Variants in XIRP2 observed in about 807,000 individuals in gnomAD.
XIRP2 encodes the protein xin actin-binding repeat-containing protein 2.
XIRP2 carries 236 observed loss-of-function variants against 277.0 expected under a neutral mutation model. That is an observed-to-expected ratio of 0.85 (90% CI 0.77 to 0.95). XIRP2 has a LOEUF of 0.95. Among genes scored for constraint, XIRP2 ranks in the 40% least tolerant of loss-of-function variants. The pLI, the probability that XIRP2 is intolerant of heterozygous loss-of-function variation, is 0.00. For synonymous variants in XIRP2, 1,490 were observed against 1,416.5 expected (o/e 1.05, Z -1.17); for missense variants, 4,640 against 4,157.5 (o/e 1.12, Z -3.19).
At chr2:167,021,691 G>A (rs145491497) in intron 2 of XIRP2, among the ~76,000 whole-genome samples, 2,209 of 152,082 alleles carry the variant, frequency 0.015, 22 homozygotes, top group South Asian at 0.045. Flanking sequence ...CCAGTGTGAC[G>A]GGGCACACCT....
intron 2 of XIRP2, among the ~76,000 whole-genome samples, chr2:166,949,924 C>G (rs555527043): frequency 6.6e-6 from 1 of 151,984 alleles, no homozygotes; most frequent in Non-Finnish European, 1.5e-5. Flanking sequence ...AACTCATTCT[C>G]AAATATATTC....
chr2:167,080,099 C>T (rs1292051391), intron 2 of XIRP2, among the ~76,000 whole-genome samples: 1 of 151,916 alleles, frequency 6.6e-6, no homozygotes, highest in Non-Finnish European at 1.5e-5. Flanking sequence ...TGCAATAATC[C>T]AGGCAAGATA....
At chr2:166,995,212 T>G (rs1397698) in intron 2 of XIRP2, among the ~76,000 whole-genome samples, 65,169 of 152,014 alleles carry the variant, frequency 0.43, 15,579 homozygotes, top group African/African-American at 0.62. Flanking sequence ...GCACTATTTA[T>G]TGTTGGGTTC....
intron 2 of XIRP2, among the ~76,000 whole-genome samples, chr2:167,031,025 T>C (rs1250325162): frequency 3.3e-5 from 5 of 151,928 alleles, no homozygotes. Context: ...TTGCTTTTTT[T>C]TTTTTTCTTT....
chr2:166,998,675 G>C (rs921345901), intron 2 of XIRP2, among the ~76,000 whole-genome samples: 4 of 152,072 alleles, frequency 2.6e-5, no homozygotes, highest in African/African-American at 9.7e-5. Context: ...ACTCAACTCA[G>C]AGTGAATGGT....
intron 2 of XIRP2, among the ~76,000 whole-genome samples, chr2:167,100,254 C>A (rs1038198010): frequency 6.6e-6 from 1 of 151,754 alleles, no homozygotes; most frequent in Admixed American, 6.6e-5. Context: ...TGTGTGTAGA[C>A]TTCTGGTTAT....
intron 2 of XIRP2, among the ~76,000 whole-genome samples, chr2:166,971,958 G>T (rs1686588614): frequency 6.6e-6 from 1 of 151,944 alleles, no homozygotes; most frequent in Non-Finnish European, 1.5e-5. Flanking sequence ...AAATATAAAG[G>T]ACATTTGCTA....
chr2:167,032,413 C>A (rs191819982), intron 2 of XIRP2, among the ~76,000 whole-genome samples: 8 of 152,018 alleles, frequency 5.3e-5, no homozygotes, highest in Non-Finnish European at 1.0e-4. Context: ...ACTAAAACAC[C>A]AAAAGCAACT....
rs1196761242 is a variant in XIRP2 at position 167,259,367 on chromosome 2, A to G, written c.*1550A>G. The G allele has an allele frequency of 1.9e-6, 3 of 1,592,926 alleles. No individual in the cohort carries two copies. In the Admixed American group the frequency reaches 5.4e-5, roughly 29 times the overall value. ...GTGCTACAGTGACACTGAGTAAAAT[A>G]TCTATGGCCACTGACAGTCCACACT... On this transcript the variant is annotated 3_prime_UTR_variant, in exon 11 of 11. Transcript: ENST00000409195.
In XIRP2 at chr2:167,251,680, G is replaced by A. The variant is rs775255103; in HGVS notation, c.10288G>A (p.Val3430Ile). The change falls in exon 9 of 11, where the codon GTT (valine) becomes ATT (isoleucine). Residue 3430 changes from valine (V) to isoleucine (I), a missense_variant. Transcript: ENST00000409195. ...SGMDAFESQI[V>I]ESKMKTSSSH... ...CATGGATGCATTTGAGAGTCAAATT[G>A]TTGAGTCGAAGATGAAAACCTCTTC... The A allele has an allele frequency of 1.8e-5, 29 of 1,613,290 alleles. No homozygotes were observed. The highest frequency in any genetic ancestry group is 5.0e-5 in the Admixed American group (3 of 59,920).
At chr2:167,000,513 G>GTTTTTTTTTTT (rs201441526) in intron 2 of XIRP2, among the ~76,000 whole-genome samples, 2 of 139,378 alleles carry the variant, frequency 1.4e-5, no homozygotes, top group Non-Finnish European at 1.6e-5. Context: ...GGGTTTTTTT[G>GTTTTTTTTTTT]TTTTTTTTTT....
chr2:167,242,437 G>T, intron 8 of XIRP2, 132 bp from the exon 9 acceptor site: 1 of 860,590 alleles, frequency 1.2e-6, no homozygotes, highest in Non-Finnish European at 1.8e-6. Flanking sequence ...GTCTTTAAAT[G>T]AGTATATCAC....
chr2:167,099,805 C>A (rs1690439632), intron 2 of XIRP2, among the ~76,000 whole-genome samples: 1 of 152,064 alleles, frequency 6.6e-6, no homozygotes, highest in African/African-American at 2.4e-5. Flanking sequence ...TAACACCTTA[C>A]CCTGCTTCTG....
intron 2 of XIRP2, among the ~76,000 whole-genome samples, chr2:167,040,440 A>T (rs894955590): frequency 1.3e-5 from 2 of 151,920 alleles, no homozygotes; most frequent in African/African-American, 4.8e-5. Context: ...GAAGTGGCCC[A>T]CTCTCACCAC....
intron 2 of XIRP2, among the ~76,000 whole-genome samples, chr2:167,021,436 A>G (rs1687978507): frequency 6.6e-6 from 1 of 152,108 alleles, no homozygotes; most frequent in Admixed American, 6.6e-5. Context: ...ACGTGCAAAA[A>G]CTATTTTTAG....
chr2:166,926,359 C>T (rs1685188956), intron 2 of XIRP2, among the ~76,000 whole-genome samples: 1 of 152,028 alleles, frequency 6.6e-6, no homozygotes, highest in South Asian at 2.1e-4. Context: ...TCCATTTCCA[C>T]CTAAAATGTA....
intron 2 of XIRP2, among the ~76,000 whole-genome samples, chr2:167,013,392 A>G (rs1159291969): frequency 6.6e-6 from 1 of 151,438 alleles, no homozygotes; most frequent in Non-Finnish European, 1.5e-5. Flanking sequence ...TCTTTCTTAT[A>G]TACTGATGCG....
chr2:167,034,139 T>C (rs1014970587), intron 2 of XIRP2, among the ~76,000 whole-genome samples: 1 of 152,102 alleles, frequency 6.6e-6, no homozygotes, highest in African/African-American at 2.4e-5. Context: ...AGAATGGGGA[T>C]GAAGTTAAAG....
At chr2:167,033,824 CA>C (rs1688432343) in intron 2 of XIRP2, among the ~76,000 whole-genome samples, 2 of 151,936 alleles carry the variant, frequency 1.3e-5, no homozygotes, top group Admixed American at 1.3e-4. Flanking sequence ...CTCAGACAAA[CA>C]AAAGCTGAGG....
Sources: allele counts gnomAD v4.1 joint callset (sites outside exome capture counted in the v4.1 genomes callset), GRCh38; gene constraint gnomAD v4.1.1; transcripts MANE v1.5; gene names NCBI Gene and HGNC (gene_info 2026-07-23, HGNC 2026-07-21).